Variants in ACAT2 observed in about 807,000 individuals in gnomAD.
ACAT2 encodes acetyl-CoA acetyltransferase 2.
ACAT2 carries 26 observed loss-of-function variants against 37.1 expected under a neutral mutation model. That is an observed-to-expected ratio of 0.70 (90% CI 0.51 to 0.97). The LOEUF is 0.97. ACAT2 is among the 50% of genes least tolerant of loss of function. The probability of loss-of-function intolerance (pLI) is 0.00; values close to 1 mark genes in which losing one functional copy is unlikely to be tolerated. For missense variants in ACAT2, 468 were observed against 489.0 expected, an observed-to-expected ratio of 0.96 and a Z score of 0.40; for synonymous variants, 156 against 163.6, an observed-to-expected ratio of 0.95 and a Z score of 0.35.
intron 4 of ACAT2, among the ~76,000 whole-genome samples, chr6:159,773,460 A>G (rs1780368902): frequency 6.6e-6 from 1 of 152,194 alleles, no homozygotes; most frequent in South Asian, 2.1e-4. Flanking sequence ...AAAAAATGCT[A>G]AAAAATTAAG....
In ACAT2 at chr6:159,778,945, A is replaced by T; in HGVS notation, c.*116A>T. The T allele has an allele frequency of 6.4e-7, 1 of 1,558,002 alleles. No individual in the cohort carries two copies. The highest frequency in any genetic ancestry group is 8.7e-7 in the Non-Finnish European group (1 of 1,145,954). ...GGAAACCATTTCCTACATCACAAAAACCCAAGTTTACAGCTTGTACTTTAC... is the reference window on the plus strand; with the variant it reads ...GGAAACCATTTCCTACATCACAAAATCCCAAGTTTACAGCTTGTACTTTAC... On this transcript the variant is annotated 3_prime_UTR_variant, in exon 9 of 9. Coordinates refer to ENST00000367048, the MANE Select transcript of ACAT2 (RefSeq NM_005891.3).
chr6:159,778,144 C>T (rs778335931), intron 7 of ACAT2, 26 bp from the exon 8 acceptor site: 7 of 1,526,204 alleles, frequency 4.6e-6, no homozygotes, highest in Admixed American at 3.5e-5. Context: ...AAGTTTAGAC[C>T]TCTTTTCTAT....
chr6:159,766,776 T>TTA (rs552810320), intron 2 of ACAT2, among the ~76,000 whole-genome samples: 3 of 152,340 alleles, frequency 2.0e-5, no homozygotes, highest in African/African-American at 7.2e-5. Flanking sequence ...AGGAGAAAGC[T>TTA]TATATCTATG....
At chr6:159,775,450 G>C (rs1780398150) in intron 5 of ACAT2, 137 bp downstream of exon 5, 1 of 1,002,184 alleles carries the variant, frequency 1.0e-6, no homozygotes, top group Non-Finnish European at 1.4e-6. Context: ...CTGGATACAT[G>C]AATGTGGGGA....
chr6:159,777,151 A>G (rs1780434090), intron 6 of ACAT2, 151 bp from the exon 7 acceptor site: 2 of 929,186 alleles, frequency 2.2e-6, no homozygotes, highest in Non-Finnish European at 3.2e-6. Flanking sequence ...ATTGCCAAAC[A>G]TAATTTCTAT....
chr6:159,770,300 G>A (rs1028984659), intron 4 of ACAT2, among the ~76,000 whole-genome samples: 2 of 152,070 alleles, frequency 1.3e-5, no homozygotes, highest in Non-Finnish European at 2.9e-5. Context: ...TACAACCAGG[G>A]TGGAAAAAAA....
intron 2 of ACAT2, among the ~76,000 whole-genome samples, chr6:159,765,227 T>A (rs910256380): frequency 4.0e-5 from 6 of 151,512 alleles, no homozygotes; most frequent in Non-Finnish European, 8.8e-5. Flanking sequence ...GTGATTCTTC[T>A]GCCTCAGCCT....
chr6:159,767,201 A>G lies in ACAT2; in HGVS notation c.372+15A>G. 1 of 1,613,322 alleles carries G rather than the reference A, an allele frequency of 6.2e-7. No homozygotes were observed. On this transcript the variant is annotated intron_variant, in intron 3 of 8. Transcript: ENST00000367048. The stretch of plus-strand genomic sequence containing the variant: ...ATATGAGCAAGGTAAGGCCTCTCTG[A>G]TGAGGTGGCTTTCACTGACCTCACA...
chr6:159,773,020 T>C (rs1182141914), intron 4 of ACAT2, among the ~76,000 whole-genome samples: 12 of 151,954 alleles, frequency 7.9e-5, no homozygotes, highest in Non-Finnish European at 2.9e-5. Flanking sequence ...GCCTGGCTAA[T>C]TTTTTGTATT....
Position 159,778,292 on chromosome 6 carries a change from C to G in ACAT2, c.1023+12C>G. On this transcript the variant is annotated intron_variant, in intron 8 of 8. Transcript: ENST00000367048. ...TAAACCCAGAGAAGGTAAAGATGCA[C>G]AAGTAACCCTGAGAGCTTACCAGTG... is the stretch of plus-strand genomic sequence containing the variant. The G allele has an allele frequency of 6.4e-7, 1 of 1,555,194 alleles. No individual in the cohort carries two copies. Among genetic ancestry groups the G allele is most frequent in the Non-Finnish European group, 8.8e-7 (1 of 1,136,400 alleles).
intron 4 of ACAT2, among the ~76,000 whole-genome samples, chr6:159,771,312 G>A (rs1034255034): frequency 5.3e-5 from 8 of 152,062 alleles, no homozygotes; most frequent in Non-Finnish European, 1.0e-4. Context: ...CCTGGGAGGC[G>A]GAGGTTGCGT....
At chr6:159,777,650 A>C (rs552169700) in intron 7 of ACAT2, among the ~76,000 whole-genome samples, 194 bp downstream of exon 7, 1 of 152,172 alleles carries the variant, frequency 6.6e-6, no homozygotes, top group East Asian at 1.9e-4. Context: ...CTGCAGCCTC[A>C]AAACTCCTAG....
chr6:159,762,567 G>T, intron 1 of ACAT2: 1 of 1,341,336 alleles, frequency 7.5e-7, no homozygotes, highest in Admixed American at 2.4e-5. Flanking sequence ...GCTAGAAGTC[G>T]TGACTTCGTC....
intron 7 of ACAT2, among the ~76,000 whole-genome samples, chr6:159,777,816 G>C (rs962935097): frequency 6.6e-6 from 1 of 152,144 alleles, no homozygotes; most frequent in African/African-American, 2.4e-5. Context: ...CAAGTGTTGA[G>C]ATTTCAGGTG....
intron 3 of ACAT2, 141 bp downstream of exon 3, chr6:159,767,327 A>G: frequency 1.1e-6 from 1 of 880,830 alleles, no homozygotes; most frequent in Non-Finnish European, 1.7e-6. Flanking sequence ...CTTGATCCCT[A>G]CTTGAATGTG....
At chr6:159,769,420 A>G (rs1251058936) in intron 4 of ACAT2, among the ~76,000 whole-genome samples, 1 of 152,176 alleles carries the variant, frequency 6.6e-6, no homozygotes, top group Non-Finnish European at 1.5e-5. Context: ...AAAAATTCAG[A>G]TCCCGAGCCC....
chr6:159,764,330 C>T (rs1562475430), intron 2 of ACAT2, among the ~76,000 whole-genome samples: 1 of 152,122 alleles, frequency 6.6e-6, no homozygotes, highest in Non-Finnish European at 1.5e-5. Context: ...CCACATCATG[C>T]CCCTTGCAAA....
intron 5 of ACAT2, 162 bp from the exon 6 acceptor site, chr6:159,775,988 T>G: frequency 1.4e-6 from 1 of 709,194 alleles, no homozygotes; most frequent in Non-Finnish European, 2.3e-6. Flanking sequence ...TGTACAATAA[T>G]TCTTGTGTGT....
Position 159,775,247 on chromosome 6 carries a change from G to C in ACAT2, c.568G>C (p.Glu190Gln). 1 of 1,614,202 alleles carries C rather than the reference G, an allele frequency of 6.2e-7. No homozygotes were observed. Among genetic ancestry groups the C allele is most frequent in the Non-Finnish European group, 8.5e-7 (1 of 1,180,024 alleles). Reference sequence around the variant, plus strand: ...TGCAGTTCTGTCCCAGAACAGGACAGAGAATGCACAGAAAGCTGGCCATTT... The same window carrying C: ...TGCAGTTCTGTCCCAGAACAGGACACAGAATGCACAGAAAGCTGGCCATTT... The part of the protein sequence containing the change: ...KVAVLSQNRT[E>Q]NAQKAGHFDK... Residue 190 changes from glutamate to glutamine, a missense_variant, in exon 5 of 9, where the codon GAG becomes CAG. Glu to Gln is a conservative substitution (Grantham distance 29). Coordinates refer to ENST00000367048, the MANE Select transcript of ACAT2 (RefSeq NM_005891.3).
Sources: allele counts gnomAD v4.1 joint callset (sites outside exome capture counted in the v4.1 genomes callset), GRCh38; gene constraint gnomAD v4.1.1; transcripts MANE v1.5; gene names NCBI Gene and HGNC (gene_info 2026-07-23, HGNC 2026-07-21).